The following PHF8 variants were observed in gnomAD, a reference collection of about 807,000 sequenced individuals.
PHF8 encodes histone lysine demethylase PHF8.
A neutral mutation model predicts 74.4 loss-of-function variants in PHF8; 9 were observed. The observed-to-expected ratio is 0.12, with a 90% confidence interval of 0.07 to 0.21. The LOEUF (loss-of-function observed/expected upper bound fraction) is 0.21, where lower values mean the gene tolerates loss of function less well. Ranked by LOEUF, PHF8 falls within the 10% of genes least tolerant of loss-of-function variation. The pLI, the probability that PHF8 is intolerant of heterozygous loss-of-function variation, is 1.00. For missense variants in PHF8, 478 were observed against 816.6 expected (o/e 0.59, Z 5.05); for synonymous variants, 311 against 316.6 (o/e 0.98, Z 0.19).
In PHF8 at chrX:53,937,218, CCA is replaced by C. The variant is rs1340169355; in HGVS notation, c.*1938_*1939del. 2 of 111,533 alleles carry C rather than the reference CCA, an allele frequency of 1.8e-5. No homozygotes were observed. The highest frequency in any genetic ancestry group is 3.8e-5 in the Non-Finnish European group (2 of 53,053). 9.2% of individuals were successfully genotyped at this position (111,533 alleles called of 1,213,427 possible). A position where few individuals can be genotyped will look rare whatever the true frequency, so the allele number is the denominator to read the frequency against. Reference sequence around the variant, plus strand: ...AGAACCCAACTAAGCTAAATGAAACCCAGTCAAACAGAGGCTGGGTTTCAGCT... The same window carrying C: ...AGAACCCAACTAAGCTAAATGAAACCGTCAAACAGAGGCTGGGTTTCAGCT... On this transcript the variant is annotated 3_prime_UTR_variant, in exon 22 of 22. Transcript: ENST00000338154.
At chrX:53,952,455 C>T (rs902418562) in intron 19 of PHF8, among the ~76,000 whole-genome samples, 6 of 111,653 alleles carry the variant, frequency 5.4e-5, no homozygotes, top group Non-Finnish European at 9.4e-5. Context: ...GATTAACAGA[C>T]AATTACATAA....
chrX:53,938,201 C>A lies in PHF8; in HGVS notation c.*957G>T. The stretch of plus-strand genomic sequence containing the variant: ...GTCCCGCCACACCCTCCATAATGTC[C>A]AGGCTGTGCTCTGTGGTATAGGCGG... On this transcript the variant is annotated 3_prime_UTR_variant, in exon 22 of 22. Coordinates refer to ENST00000338154, the MANE Select transcript of PHF8 (RefSeq NM_015107.3). 1 of 1,085,655 alleles carries A rather than the reference C, an allele frequency of 9.2e-7. No homozygotes were observed. The highest frequency in any genetic ancestry group is 1.2e-6 in the Non-Finnish European group (1 of 835,865). The allele number at this position is 1,085,655 out of a possible 1,213,427, so 89.5% of individuals were successfully genotyped here.
chrX:53,956,453 G>T (rs781895747), intron 19 of PHF8, among the ~76,000 whole-genome samples: 2 of 111,154 alleles, frequency 1.8e-5, no homozygotes, highest in Non-Finnish European at 1.9e-5. Flanking sequence ...CATCTTTTTG[G>T]GGGGAATACC....
chrX:54,043,504 C>T (rs1189850073), intron 1 of PHF8, among the ~76,000 whole-genome samples: 1 of 111,435 alleles, frequency 9.0e-6, no homozygotes, highest in East Asian at 2.8e-4. Flanking sequence ...CCAGCTCGTT[C>T]TGTACTTTAA....
At chrX:54,019,474 C>T (rs782331194) in intron 4 of PHF8, among the ~76,000 whole-genome samples, 148 of 107,941 alleles carry the variant, frequency 1.4e-3, no homozygotes, top group African/African-American at 4.7e-3. Flanking sequence ...AAAAAATCTA[C>T]TTATTTCCTT....
At position 53,959,075 on chromosome X, in the gene PHF8, A is replaced by G. The variant is rs1382430355; in HGVS notation, c.2539+3769T>C. On this transcript the variant is annotated intron_variant, in intron 19 of 21. Transcript: ENST00000338154. ...CTGATATCTTGTAGCCATTAAAAAT[A>G]TTATTTATAAACAATGGCATAGGAA... is the stretch of plus-strand genomic sequence containing the variant. Among the ~76,000 whole-genome samples the G allele has an allele frequency of 2.7e-5, 3 of 111,850 alleles. No homozygotes were observed. In the East Asian group the frequency reaches 8.3e-4, roughly 31 times the overall value.
intron 2 of PHF8, among the ~76,000 whole-genome samples, chrX:54,041,252 C>T (rs923727547): frequency 3.3e-4 from 36 of 108,914 alleles, no homozygotes; most frequent in Non-Finnish European, 5.3e-4. Context: ...GGCGTGGTGG[C>T]GTGCACCTGT....
At chrX:53,975,077 T>C (rs1376340624) in intron 18 of PHF8, among the ~76,000 whole-genome samples, 2 of 111,825 alleles carry the variant, frequency 1.8e-5, no homozygotes, top group African/African-American at 6.5e-5. Context: ...GGAAAAAAAA[T>C]GTCCAACAGG....
At chrX:54,019,778 A>G (rs1490981808) in intron 4 of PHF8, among the ~76,000 whole-genome samples, 12 of 92,020 alleles carry the variant, frequency 1.3e-4, no homozygotes, top group African/African-American at 4.4e-4. Context: ...ACAGAGCAAG[A>G]CACCGCCTCA....
At position 53,938,937 on chromosome X, in the gene PHF8, C is replaced by T; in HGVS notation, c.*221G>A. The T allele has an allele frequency of 2.0e-6, 2 of 982,316 alleles. No individual in the cohort carries two copies. Among genetic ancestry groups the T allele is most frequent in the Non-Finnish European group, 2.6e-6 (2 of 781,507 alleles). The allele number at this position is 982,316 out of a possible 1,213,427, so 81.0% of individuals were successfully genotyped here. A position where few individuals can be genotyped will look rare whatever the true frequency, so the allele number is the denominator to read the frequency against. On this transcript the variant is annotated 3_prime_UTR_variant, in exon 22 of 22. Coordinates refer to ENST00000338154, the MANE Select transcript of PHF8 (RefSeq NM_015107.3). ...TCAGCTGGAAACCTCTCCCATTTAC[C>T]TGCTCCTCAGTGGAGAAGGCAGGCA...
At chrX:54,010,608 T>C (rs146752007) in intron 8 of PHF8, among the ~76,000 whole-genome samples, 1,185 of 111,329 alleles carry the variant, frequency 0.011, 7 homozygotes, top group Non-Finnish European at 0.014. Context: ...AATGGAGAGA[T>C]ACCCTGTATT....
intron 2 of PHF8, among the ~76,000 whole-genome samples, chrX:54,030,353 T>C (rs2066334641): frequency 8.9e-6 from 1 of 111,829 alleles, no homozygotes; most frequent in African/African-American, 3.3e-5. Flanking sequence ...TGGTAAATGC[T>C]GATTTGCTCT....
intron 19 of PHF8, among the ~76,000 whole-genome samples, chrX:53,954,159 G>GA (rs2064974374): frequency 9.0e-6 from 1 of 111,325 alleles, no homozygotes; most frequent in African/African-American, 3.3e-5. Context: ...ATAATAGCTG[G>GA]AGACTTCAAT....
chrX:54,046,780 A>T (rs2066637025), upstream of PHF8, among the ~76,000 whole-genome samples: 1 of 111,275 alleles, frequency 9.0e-6, no homozygotes, highest in African/African-American at 3.3e-5. Context: ...TGGGAGGATC[A>T]CTTGAGCCCA....
Position 53,938,383 on chromosome X carries a change from G to A in PHF8, c.*775C>T. The A allele has an allele frequency of 1.1e-6, 1 of 879,897 alleles. No individual in the cohort carries two copies. The highest frequency in any genetic ancestry group is 1.4e-6 in the Non-Finnish European group (1 of 717,118). 72.5% of individuals were successfully genotyped at this position (879,897 alleles called of 1,213,427 possible). A position where few individuals can be genotyped will look rare whatever the true frequency, so the allele number is the denominator to read the frequency against. ...ATTTCAAAATCCAGGCAAATCCCTG[G>A]AGCTCACCCTAAAACAAGTGGCCTC... On this transcript the variant is annotated 3_prime_UTR_variant, in exon 22 of 22. Coordinates refer to ENST00000338154, the MANE Select transcript of PHF8 (RefSeq NM_015107.3).
chrX:53,952,462 ATAAAGCAATTACT>A (rs1201149480), intron 19 of PHF8, among the ~76,000 whole-genome samples: 1 of 112,233 alleles, frequency 8.9e-6, no homozygotes, highest in African/African-American at 3.2e-5. Context: ...AGACAATTAC[ATAAAGCAATTACT>A]ATAACCCTGT....
At chrX:54,047,330 G>A (rs1197869561), upstream of PHF8, among the ~76,000 whole-genome samples, 1 of 112,436 alleles carries the variant, frequency 8.9e-6, no homozygotes, top group Non-Finnish European at 1.9e-5. Context: ...GCCACTGAAT[G>A]AACTGGGCTA....
At chrX:53,978,624 C>A (rs2065426241) in intron 18 of PHF8, among the ~76,000 whole-genome samples, 1 of 108,275 alleles carries the variant, frequency 9.2e-6, no homozygotes, top group Non-Finnish European at 1.9e-5. Flanking sequence ...TAGTGAAACC[C>A]CGTCTCTACT....
intron 2 of PHF8, among the ~76,000 whole-genome samples, chrX:54,033,983 G>A (rs1321724596): frequency 9.0e-6 from 1 of 110,685 alleles, no homozygotes; most frequent in Non-Finnish European, 1.9e-5. Flanking sequence ...ACAAATAGAA[G>A]ATATAGAAAA....
Sources: gnomAD v4.1 joint callset for allele counts (sites outside exome capture counted in the v4.1 genomes callset) on GRCh38, gnomAD v4.1.1 for gene constraint, MANE v1.5 for transcripts, NCBI Gene and HGNC (gene_info 2026-07-23, HGNC 2026-07-21) for gene names.